POLG: variants seen among roughly 807,000 people sequenced by gnomAD.
POLG encodes DNA polymerase subunit gamma-1.
A neutral mutation model predicts 155.4 loss-of-function variants in POLG; 110 were observed. That is an observed-to-expected ratio of 0.71 (90% confidence interval 0.61 to 0.83). POLG has a LOEUF of 0.83. Among genes scored for constraint, POLG ranks in the 40% least tolerant of loss-of-function variants. The pLI is 0.00. For missense variants in POLG, 1,685 were observed against 1,627.5 expected, an observed-to-expected ratio of 1.04 and a Z score of -0.61; for synonymous variants, 701 against 631.5, an observed-to-expected ratio of 1.11 and a Z score of -1.65.
intron 2 of POLG, chr15:89,332,290 G>A (rs2055603731): frequency 6.6e-6 from 1 of 152,192 alleles, no homozygotes; most frequent in African/African-American, 2.4e-5. Context: ...TTACAAAGAT[G>A]TAGCTTCCAA....
chr15:89,328,426 C>A, intron 6 of POLG, 30 bp downstream of exon 6: 2 of 1,578,100 alleles, frequency 1.3e-6, no homozygotes, highest in East Asian at 2.3e-5. Flanking sequence ...ACACTGACCC[C>A]CAGAGATTCC....
intron 3 of POLG, among the ~76,000 whole-genome samples, chr15:89,329,783 G>A (rs553361028): frequency 8.4e-4 from 127 of 151,148 alleles, no homozygotes; most frequent in Admixed American, 1.7e-3. Context: ...GGTTAAGGCA[G>A]GAAGTGAGCC....
At chr15:89,325,349 C>A in intron 10 of POLG, 101 bp downstream of exon 10, 1 of 780,892 alleles carries the variant, frequency 1.3e-6, no homozygotes, top group South Asian at 1.5e-5. Context: ...CTTCTGAACC[C>A]AGACTCTTGA....
chr15:89,326,480 GTGAC>G, intron 9 of POLG, 128 bp downstream of exon 9: 1 of 995,206 alleles, frequency 1.0e-6, no homozygotes, highest in Non-Finnish European at 1.5e-6. Flanking sequence ...GGAAGACAGT[GTGAC>G]TGAATGGCAG....
Position 89,327,318 on chromosome 15 carries a change from G to A in POLG, c.1282C>T (p.Leu428=), listed in dbSNP as rs760681350. The A allele has an allele frequency of 1.2e-6, 2 of 1,613,932 alleles. No homozygotes were observed. The highest frequency in any genetic ancestry group is 1.1e-5 in the South Asian group (1 of 91,080). Residue 428 remains leucine, a synonymous_variant, in exon 7 of 23, where the codon CTG becomes TTG. Coordinates refer to ENST00000268124, the MANE Select transcript of POLG (RefSeq NM_002693.3). ...CPHPVTLAGM[L]EMGVSYLPVN... ...GGCAGGTAGGAGACACCCATCTCCA[G>A]CATGCCGGCCAGAGTCACTGGGTGG...
intron 9 of POLG, 43 bp from the exon 10 acceptor site, chr15:89,325,729 C>CAGTT: frequency 7.0e-7 from 1 of 1,438,366 alleles, no homozygotes; most frequent in African/African-American, 1.4e-5. Flanking sequence ...ATGGTAAGGG[C>CAGTT]AGTTGTTGGG....
intron 21 of POLG, chr15:89,317,759 C>T (rs2055321509): frequency 6.3e-6 from 3 of 477,318 alleles, no homozygotes; most frequent in Non-Finnish European, 1.1e-5. Context: ...ACTCAACATA[C>T]TTTTTTTTTT....
chr15:89,319,419 A>T, intron 18 of POLG, 69 bp from the exon 19 acceptor site: 1 of 1,595,784 alleles, frequency 6.3e-7, no homozygotes, highest in Non-Finnish European at 8.5e-7. Context: ...CTTGGCAAGG[A>T]ATGTTCACAT....
Position 89,321,871 on chromosome 15 carries a change from A to T in POLG, c.2481-18T>A. 6.2e-7 allele frequency: 1 copy of T among 1,609,854 alleles called. No individual in the cohort carries two copies. The highest frequency in any genetic ancestry group is 8.5e-7 in the Non-Finnish European group (1 of 1,176,194). ...CGGGGTGCCTGGTGGGGTGCAGGGG[A>T]AGGAAATGGGTCTTAGCAGGGTGCT... On this transcript the variant is annotated intron_variant, in intron 15 of 22. Transcript: ENST00000268124.
intron 16 of POLG, 81 bp downstream of exon 16, chr15:89,321,655 A>G (rs2055397803): frequency 2.0e-6 from 2 of 1,014,448 alleles, no homozygotes; most frequent in South Asian, 1.3e-5. Flanking sequence ...ATCCTCACTA[A>G]ATACCTAAAG....
chr15:89,329,297 G>C (rs1298733234), intron 3 of POLG, among the ~76,000 whole-genome samples, 187 bp from the exon 4 acceptor site: 2 of 152,176 alleles, frequency 1.3e-5, no homozygotes, highest in Non-Finnish European at 2.9e-5. Flanking sequence ...CCCATCACCT[G>C]TAAGGGGCCT....
rs773468132 is a variant in POLG at position 89,316,358 on chromosome 15, G to A, written c.*393C>T. The A allele has an allele frequency of 3.2e-6, 5 of 1,587,272 alleles. No individual in the cohort carries two copies. The African/African-American group carries it at 5.4e-5, about 17-fold the overall frequency. On this transcript the variant is annotated 3_prime_UTR_variant, in exon 23 of 23. Transcript: ENST00000268124. ...TTTTTATTTCCACTGCCTTGGAGCA[G>A]GTTTATCACGTTAGAGCATTAATTC... is the stretch of plus-strand genomic sequence containing the variant.
In POLG at chr15:89,321,124, C is replaced by T; in HGVS notation, c.2734+1G>A. 4 of 1,614,268 alleles carry T rather than the reference C, an allele frequency of 2.5e-6. No individual in the cohort carries two copies. The highest frequency in any genetic ancestry group is 3.4e-6 in the Non-Finnish European group (4 of 1,180,046). ...CTGCCCCAACCCCGGCTCCTGCTCA[C>T]CATGCATGCCGGCAAAGTGGGCGTC... is the stretch of plus-strand genomic sequence containing the variant. On this transcript the variant is annotated splice_donor_variant, in intron 17 of 22. Coordinates refer to ENST00000268124, the MANE Select transcript of POLG (RefSeq NM_002693.3). LOFTEE classifies it high-confidence loss of function.
In POLG at chr15:89,333,834, G is replaced by A. The variant is rs3087378; in HGVS notation, c.-80C>T. ...GCTTGGCTTCTTTTACTGGCTGGAA[G>A]ACGTGGAGAGAGACACGTCCTGTCT... On this transcript the variant is annotated 5_prime_UTR_variant, in exon 2 of 23. Transcript: ENST00000268124. 9,681 of 1,488,088 alleles carry A rather than the reference G, an allele frequency of 6.5e-3. 49 individuals are homozygous for A. The highest frequency in any genetic ancestry group is 9.4e-3 in the Middle Eastern group (54 of 5,718). 92.2% of individuals were successfully genotyped at this position (1,488,088 alleles called of 1,614,324 possible).
chr15:89,330,062 T>G lies in POLG; in HGVS notation c.855+19A>C, dbSNP rs888039212. Reference sequence around the variant, plus strand: ...GCCCATCCCATGCCAGAACCTGCAGTTGGCCCCAGGAACCTTACCTGGATC... The same window carrying G: ...GCCCATCCCATGCCAGAACCTGCAGGTGGCCCCAGGAACCTTACCTGGATC... On this transcript the variant is annotated intron_variant, in intron 3 of 22. Transcript: ENST00000268124. 3 of 1,607,768 alleles carry G rather than the reference T, an allele frequency of 1.9e-6. No homozygotes were observed. Among genetic ancestry groups the G allele is most frequent in the Non-Finnish European group, 2.6e-6 (3 of 1,174,258 alleles).
At chr15:89,317,027 A>G (rs2055291592) in intron 22 of POLG, 200 bp from the exon 23 acceptor site, 1 of 605,684 alleles carries the variant, frequency 1.7e-6, no homozygotes, top group Non-Finnish European at 2.9e-6. Flanking sequence ...TAAATAGAAA[A>G]TAAGCTTTCT....
Position 89,326,697 on chromosome 15 carries a change from C to T in POLG, c.1627G>A (p.Val543Ile), listed in dbSNP as rs763775923. Residue 543 changes from valine (V) to isoleucine (I), a missense_variant, in exon 9 of 23, where the codon GTC becomes ATC. Physicochemically the swap from Val to Ile is conservative, Grantham distance 29. Around this residue, in one of 3 missense-constraint regions of POLG, gnomAD observed 1,210 missense variants for 1,167.1 expected, o/e 1.04. Coordinates refer to ENST00000268124, the MANE Select transcript of POLG (RefSeq NM_002693.3). The stretch of plus-strand genomic sequence containing the variant: ...TTCTGCAAGCAGGCGCGGGCCATGA[C>T]ATCTTGTTGAAACTCCTCCTCCTCA... Reference protein sequence around the residue: ...CSEEEEFQQDVMARACLQKLK... With the variant: ...CSEEEEFQQDIMARACLQKLK... 5.5e-5 allele frequency: 89 copies of T among 1,614,036 alleles called. No homozygotes were observed. The highest frequency in any genetic ancestry group is 7.4e-5 in the Non-Finnish European group (87 of 1,180,038).
chr15:89,333,081 C>A lies in POLG; in HGVS notation c.659+15G>T, dbSNP rs2055615863. 1.3e-6 allele frequency: 2 copies of A among 1,510,106 alleles called. No individual in the cohort carries two copies. Among genetic ancestry groups the A allele is most frequent in the Non-Finnish European group, 1.8e-6 (2 of 1,129,656 alleles). The allele number at this position is 1,510,106 out of a possible 1,614,324, so 93.5% of individuals were successfully genotyped here. On this transcript the variant is annotated intron_variant, in intron 2 of 22. Coordinates refer to ENST00000268124, the MANE Select transcript of POLG (RefSeq NM_002693.3). ...CCCCATGCCTGCTTATGTCCCCAAC[C>A]CTGCCCCTACTTACCAGGCCGAGGG...
At chr15:89,326,403 G>A (rs867673133) in intron 9 of POLG, among the ~76,000 whole-genome samples, 3 of 152,208 alleles carry the variant, frequency 2.0e-5, no homozygotes, top group African/African-American at 2.4e-5. Flanking sequence ...TGCACAGCAG[G>A]TGCTCACAAC....
Sources: gnomAD v4.1 joint callset for allele counts (sites outside exome capture counted in the v4.1 genomes callset) on GRCh38, gnomAD v4.1.1 for gene constraint, gnomAD v4.1.1 regional missense constraint, MANE v1.5 for transcripts, NCBI Gene and HGNC (gene_info 2026-07-23, HGNC 2026-07-21) for gene names.